The following EYA3 variants were observed in gnomAD, a reference collection of about 807,000 sequenced individuals.
EYA3 encodes protein phosphatase EYA3.
Under a neutral mutation model 80.0 loss-of-function variants are expected in EYA3, and 39 were observed. That is an observed-to-expected ratio of 0.49 (90% CI 0.38 to 0.64). The LOEUF is 0.64. Among genes scored for constraint, EYA3 ranks in the 30% least tolerant of loss-of-function variants. EYA3 has a pLI of 0.00. For synonymous variants in EYA3, 206 were observed against 232.8 expected, an observed-to-expected ratio of 0.88 and a Z score of 1.05; for missense variants, 523 against 676.1, an observed-to-expected ratio of 0.77 and a Z score of 2.51.
intron 9 of EYA3, 75 bp from the exon 10 acceptor site, chr1:28,011,161 G>A: frequency 6.8e-7 from 1 of 1,474,296 alleles, no homozygotes; most frequent in Non-Finnish European, 9.2e-7. Flanking sequence ...AGGGTTAGTG[G>A]ACTCTCTGCC....
In EYA3 at chr1:28,004,381, G is replaced by A; in HGVS notation, c.948C>T (p.Ile316=). 1 of 1,608,068 alleles carries A rather than the reference G, an allele frequency of 6.2e-7. No homozygotes were observed. The highest frequency in any genetic ancestry group is 8.5e-7 in the Non-Finnish European group (1 of 1,175,598). Residue 316 remains isoleucine (I), a synonymous_variant, in exon 11 of 18, where the codon ATC becomes ATT. Coordinates refer to ENST00000373871, the MANE Select transcript of EYA3 (RefSeq NM_001990.4). Reference sequence around the variant, plus strand: ...AGGATCCAGTAAGAAGTGAGTGGAAGATGATGATGGTTTCATCCAAGTCCC... The same window carrying A: ...AGGATCCAGTAAGAAGTGAGTGGAAAATGATGATGGTTTCATCCAAGTCCC... The part of the protein sequence containing the change: ...FLWDLDETII[I]FHSLLTGSYA...
rs1390987455 is a variant in EYA3 at position 28,050,162 on chromosome 1, A to C, written c.34-1736T>G. Among the ~76,000 whole-genome samples the C allele has an allele frequency of 3.3e-5, 5 of 150,218 alleles. No individual in the cohort carries two copies. The South Asian group carries it at 8.4e-4, about 25-fold the overall frequency. On this transcript the variant is annotated intron_variant, in intron 2 of 17. Coordinates refer to ENST00000373871, the MANE Select transcript of EYA3 (RefSeq NM_001990.4). The stretch of plus-strand genomic sequence containing the variant: ...AAAAGGTCCTGGAGCAACATTTTTA[A>C]ATTTACTTTTTATTTATTATTATTA...
intron 6 of EYA3, among the ~76,000 whole-genome samples, chr1:28,030,137 A>T (rs1441739864): frequency 6.6e-6 from 1 of 152,228 alleles, no homozygotes; most frequent in Non-Finnish European, 1.5e-5. Flanking sequence ...ATATGCAATT[A>T]AAAATACAAT....
chr1:28,086,970 CTT>C (rs951536139), intron 1 of EYA3, among the ~76,000 whole-genome samples: 2 of 152,148 alleles, frequency 1.3e-5, no homozygotes, highest in African/African-American at 4.8e-5. Context: ...ACTATACACT[CTT>C]ATATGTATAT....
At chr1:27,994,957 G>A (rs536278136) in intron 13 of EYA3, among the ~76,000 whole-genome samples, 7 of 146,578 alleles carry the variant, frequency 4.8e-5, no homozygotes, top group East Asian at 2.0e-4. Context: ...AGCAGGCCCC[G>A]TCTCTTTGGA....
chr1:28,086,896 G>A (rs1374965165), intron 1 of EYA3, among the ~76,000 whole-genome samples: 1 of 152,156 alleles, frequency 6.6e-6, no homozygotes, highest in African/African-American at 2.4e-5. Context: ...GACTAACATG[G>A]CCAAGCTCCA....
intron 4 of EYA3, among the ~76,000 whole-genome samples, chr1:28,040,640 C>T (rs748840366): frequency 1.3e-5 from 2 of 152,048 alleles, no homozygotes; most frequent in South Asian, 2.1e-4. Flanking sequence ...TGAGGAGAAA[C>T]GTATTCTAGA....
At chr1:28,051,512 A>AC (rs1243250251) in intron 2 of EYA3, among the ~76,000 whole-genome samples, 1 of 152,084 alleles carries the variant, frequency 6.6e-6, no homozygotes, top group Non-Finnish European at 1.5e-5. Flanking sequence ...ACATGGTGAA[A>AC]CCCCATCTCT....
At chr1:28,078,003 C>T (rs1220134050) in intron 1 of EYA3, among the ~76,000 whole-genome samples, 1 of 152,088 alleles carries the variant, frequency 6.6e-6, no homozygotes, top group Non-Finnish European at 1.5e-5. Context: ...AATCTAGGTT[C>T]AGTTTTTTTA....
chr1:28,023,710 G>A (rs2148819056), intron 7 of EYA3, among the ~76,000 whole-genome samples: 1 of 152,140 alleles, frequency 6.6e-6, no homozygotes, highest in Middle Eastern at 3.4e-3. Context: ...AATGTAATTT[G>A]GTATCCTGGA....
intron 1 of EYA3, among the ~76,000 whole-genome samples, chr1:28,083,632 C>T (rs1645510250): frequency 6.6e-6 from 1 of 152,066 alleles, no homozygotes; most frequent in Non-Finnish European, 1.5e-5. Context: ...GTATAAAGTT[C>T]ACTTTTATTT....
chr1:27,994,710 T>G (rs1640310238), intron 13 of EYA3, among the ~76,000 whole-genome samples: 1 of 152,114 alleles, frequency 6.6e-6, no homozygotes, highest in Non-Finnish European at 1.5e-5. Context: ...CTGGTGCCTG[T>G]AATTCCAACT....
At chr1:28,047,007 G>A (rs1571888161) in intron 3 of EYA3, among the ~76,000 whole-genome samples, 1 of 151,414 alleles carries the variant, frequency 6.6e-6, no homozygotes, top group Non-Finnish European at 1.5e-5. Context: ...CACCATTCCT[G>A]GATAATTGTT....
chr1:28,077,899 A>G (rs1645279420), intron 1 of EYA3, among the ~76,000 whole-genome samples: 1 of 152,204 alleles, frequency 6.6e-6, no homozygotes. Flanking sequence ...CCTATATATC[A>G]GCTTATCAGT....
intron 10 of EYA3, among the ~76,000 whole-genome samples, chr1:28,010,625 C>T (rs1462215657): frequency 1.3e-5 from 2 of 152,248 alleles, no homozygotes; most frequent in African/African-American, 4.8e-5. Context: ...CCCGCTTCAG[C>T]CTCCCAAAGT....
intron 3 of EYA3, among the ~76,000 whole-genome samples, chr1:28,046,495 T>C (rs954524695): frequency 6.7e-6 from 1 of 149,764 alleles, no homozygotes; most frequent in Non-Finnish European, 1.5e-5. Context: ...GCTGAGTGAA[T>C]GGAAATAGCA....
chr1:28,068,997 G>A (rs1163697538), intron 1 of EYA3, among the ~76,000 whole-genome samples: 1 of 152,062 alleles, frequency 6.6e-6, no homozygotes, highest in Non-Finnish European at 1.5e-5. Flanking sequence ...AGTAGAAACA[G>A]GGTTTCACCA....
At chr1:28,038,107 A>ACTTCAAGCCCGGTTCTAC in intron 5 of EYA3, among the ~76,000 whole-genome samples, 1 of 152,090 alleles carries the variant, frequency 6.6e-6, no homozygotes, top group Non-Finnish European at 1.5e-5. Flanking sequence ...AACCTGTCTA[A>ACTTCAAGCCCGGTTCTAC]CTTCAAGCCC....
chr1:27,989,932 T>TTATATA (rs370226947), intron 14 of EYA3, 121 bp from the exon 15 acceptor site: 2 of 473,526 alleles, frequency 4.2e-6, no homozygotes, highest in Non-Finnish European at 7.6e-6. Flanking sequence ...CTGAGTATGT[T>TTATATA]TATATATATA....
Sources: gnomAD v4.1 joint callset for allele counts (sites outside exome capture counted in the v4.1 genomes callset) on GRCh38, gnomAD v4.1.1 for gene constraint, MANE v1.5 for transcripts, NCBI Gene and HGNC (gene_info 2026-07-23, HGNC 2026-07-21) for gene names.